Variants in EP400 observed in about 807,000 individuals in gnomAD.
The protein encoded by EP400 is E1A binding protein p400, also known as E1A-binding protein p400.
A neutral mutation model predicts 354.1 loss-of-function variants in EP400; 105 were observed. The observed-to-expected ratio is 0.30, with a 90% CI of 0.25 to 0.35. EP400 has a LOEUF of 0.35. Ranked by LOEUF, EP400 falls within the 10% of genes least tolerant of loss-of-function variation. EP400 has a pLI of 1.00. For synonymous variants in EP400, 1,646 were observed against 1,716.9 expected, an observed-to-expected ratio of 0.96 and a Z score of 1.02; for missense variants, 3,280 against 4,121.0, an observed-to-expected ratio of 0.80 and a Z score of 5.59.
chr12:131,987,555 T>C (rs1464099125), intron 6 of EP400, 150 bp from the exon 7 acceptor site: 2 of 621,102 alleles, frequency 3.2e-6, no homozygotes, highest in Admixed American at 7.0e-5. Context: ...GAATCTTACC[T>C]TTGATATTAA....
chr12:132,004,085 G>A (rs1218110798), intron 12 of EP400, among the ~76,000 whole-genome samples: 3 of 152,164 alleles, frequency 2.0e-5, no homozygotes, highest in African/African-American at 4.8e-5. Context: ...TCATTCCTCT[G>A]GATAGACTCA....
Position 131,950,152 on chromosome 12 carries a change from C to G in EP400, c.-36+116C>G, listed in dbSNP as rs1477970000. The G allele has an allele frequency of 2.6e-5, 4 of 152,002 alleles. No homozygotes were observed. The East Asian group carries it at 7.7e-4, about 29-fold the overall frequency. The allele number at this position is 152,002 out of a possible 1,614,324, so 9.4% of individuals were successfully genotyped here. On this transcript the variant is annotated intron_variant, in intron 1 of 52. Transcript: ENST00000389561. ...GTACAGGGCCCGCTCGCCGGCCGGC[C>G]TCGGGCGTCGCGTGGGGACCAGGCC...
chr12:132,025,743 C>T lies in EP400; in HGVS notation c.4953C>T (p.His1651=), dbSNP rs778933990. Residue 1651 remains histidine, a synonymous_variant, in exon 25 of 53, where the codon CAC becomes CAT. Coordinates refer to ENST00000389561, the MANE Select transcript of EP400 (RefSeq NM_015409.5). The surrounding 1 kb of genome is among the most constrained non-coding windows in gnomAD (Gnocchi z 4.1). ...CCGTGTCTCAGGCGGGCGCTGTGCA[C>T]GGCGCCCTGGGAAGCAAGCCCCCGG... ...MQTVSQAGAV[H]GALGSKPPAG... 29 of 1,612,390 alleles carry T rather than the reference C, an allele frequency of 1.8e-5. No individual in the cohort carries two copies. The highest frequency in any genetic ancestry group is 2.2e-5 in the East Asian group (1 of 44,814).
intron 2 of EP400, among the ~76,000 whole-genome samples, chr12:131,967,810 T>C (rs886932209): frequency 1.3e-5 from 2 of 152,220 alleles, no homozygotes; most frequent in East Asian, 3.8e-4. Context: ...TCTCTAGTAC[T>C]TGTTATTGTC....
At chr12:132,002,755 C>T (rs1320152132) in intron 12 of EP400, among the ~76,000 whole-genome samples, 1 of 152,180 alleles carries the variant, frequency 6.6e-6, no homozygotes, top group Non-Finnish European at 1.5e-5. Context: ...GTGGTCACAC[C>T]GGTCAGGCCA....
rs1327538601 is a variant in EP400 at position 132,013,386 on chromosome 12, G to A, written c.3612-104G>A. 5 of 1,440,986 alleles carry A rather than the reference G, an allele frequency of 3.5e-6. No homozygotes were observed. The highest frequency in any genetic ancestry group is 1.4e-5 in the African/African-American group (1 of 70,432). The allele number at this position is 1,440,986 out of a possible 1,614,324, so 89.3% of individuals were successfully genotyped here. On this transcript the variant is annotated intron_variant, in intron 17 of 52. Transcript: ENST00000389561. This position sits in a 1 kb window ranked among gnomAD's most constrained non-coding sequence, Gnocchi z 4.5. ...AGGCATGTGCACGTTGACATTTGCGGTGTCAAATTACTGTCCCTTTTCTCA... is the reference window on the plus strand; with the variant it reads ...AGGCATGTGCACGTTGACATTTGCGATGTCAAATTACTGTCCCTTTTCTCA...
At position 132,006,235 on chromosome 12, in the gene EP400, A is replaced by T. The variant is rs781120154; in HGVS notation, c.3059A>T (p.Asp1020Val). The change falls in exon 14 of 53, where the codon GAC (aspartate) becomes GTC (valine). Residue 1020 changes from aspartate to valine, a missense_variant. Physicochemically the swap from Asp to Val is radical, Grantham distance 152 (BLOSUM62 -3). Transcript: ENST00000389561. ...AATATCGGGAAGCCAAACGCCAAGG[A>T]CATTGCGGACGTCACTGCGGTGGCT... Reference protein sequence around the residue: ...RMNIGKPNAKDIADVTAVAEA... With the variant: ...RMNIGKPNAKVIADVTAVAEA... 2.5e-6 allele frequency: 4 copies of T among 1,614,132 alleles called. No homozygotes were observed. Among genetic ancestry groups the T allele is most frequent in the Admixed American group, 1.7e-5 (1 of 60,002 alleles).
chr12:131,951,958 T>TA (rs1555270003), intron 1 of EP400, among the ~76,000 whole-genome samples: 3 of 151,242 alleles, frequency 2.0e-5, no homozygotes, highest in African/African-American at 7.3e-5. Flanking sequence ...TTTTTTTTTT[T>TA]AATTTTTAGT....
Position 132,077,913 on chromosome 12 carries a change from C to G in EP400, c.*240C>G, listed in dbSNP as rs956510669. On this transcript the variant is annotated 3_prime_UTR_variant, in exon 53 of 53. Coordinates refer to ENST00000389561, the MANE Select transcript of EP400 (RefSeq NM_015409.5). ...ATGGAAAAAGTGACAACATGGCTTC[C>G]TCTAAATCATTTCACCTTTCAGTCC... 5.0e-5 allele frequency: 28 copies of G among 559,058 alleles called. No homozygotes were observed. The highest frequency in any genetic ancestry group is 4.6e-4 in the Middle Eastern group (1 of 2,154). 34.6% of individuals were successfully genotyped at this position (559,058 alleles called of 1,614,324 possible). A position where few individuals can be genotyped will look rare whatever the true frequency, so the allele number is the denominator to read the frequency against.
At chr12:132,022,155 G>A (rs1259018635) in intron 23 of EP400, among the ~76,000 whole-genome samples, 1 of 152,202 alleles carries the variant, frequency 6.6e-6, no homozygotes, top group Non-Finnish European at 1.5e-5. Context: ...TCCTAGTTAA[G>A]TGCCCTAAGG....
chr12:131,987,364 G>A (rs1892887460), intron 6 of EP400, among the ~76,000 whole-genome samples: 1 of 152,154 alleles, frequency 6.6e-6, no homozygotes, highest in African/African-American at 2.4e-5. Context: ...AGATTATCTA[G>A]AAGCAAATTC....
Position 132,045,356 on chromosome 12 carries a change from G to A in EP400, c.6822G>A (p.Ala2274=), listed in dbSNP as rs150137141. The change falls in exon 38 of 53, where the codon GCG becomes GCA. Residue 2274 remains alanine (A), a synonymous_variant. Transcript: ENST00000389561. The part of the protein sequence containing the change: ...GRKKKQRHGE[A]VVPPRSLFDR... ...AGAAGAAGCAGCGTCACGGGGAGGC[G>A]GTCGTCCCTCCTCGGTCCCTGTTTG... The A allele has an allele frequency of 9.3e-6, 15 of 1,614,102 alleles. No homozygotes were observed. The highest frequency in any genetic ancestry group is 2.7e-5 in the African/African-American group (2 of 74,940).
chr12:132,046,094 A>G (rs553922699), intron 39 of EP400, among the ~76,000 whole-genome samples, 194 bp downstream of exon 39: 1 of 152,342 alleles, frequency 6.6e-6, no homozygotes, highest in African/African-American at 2.4e-5. Flanking sequence ...CGCCTATGGC[A>G]TGAGCAGTGA....
At position 132,011,597 on chromosome 12, in the gene EP400, A is replaced by G. The variant is rs1370454204; in HGVS notation, c.3404A>G (p.Tyr1135Cys). 15 of 1,613,594 alleles carry G rather than the reference A, an allele frequency of 9.3e-6. No individual in the cohort carries two copies. In the Admixed American group the frequency reaches 2.5e-4, roughly 27 times the overall value. Reference sequence around the variant, plus strand: ...TGTCCCGGACTCAAAATCCTCTCATATATTGGCAGCCACAGAGAACTCAAA... The same window carrying G: ...TGTCCCGGACTCAAAATCCTCTCATGTATTGGCAGCCACAGAGAACTCAAA... ...RWCPGLKILS[Y>C]IGSHRELKAK... The change falls in exon 16 of 53, where the codon TAT (tyrosine) becomes TGT (cysteine). Residue 1135 changes from tyrosine to cysteine, a missense_variant. By Grantham distance (194) the Tyr-to-Cys change is radical (BLOSUM62 -2). Transcript: ENST00000389561.
chr12:132,067,873 G>T lies in EP400; in HGVS notation c.8874+387G>T, dbSNP rs1176540973. Among the ~76,000 whole-genome samples, 1 of 152,152 alleles carries T rather than the reference G, an allele frequency of 6.6e-6. No individual in the cohort carries two copies. The highest frequency in any genetic ancestry group is 1.5e-5 in the Non-Finnish European group (1 of 68,016). On this transcript the variant is annotated intron_variant, in intron 50 of 52. Transcript: ENST00000389561. This position sits in a 1 kb window ranked among gnomAD's most constrained non-coding sequence, Gnocchi z 5.3. ...GGACCCGCCTGGACTCCTGCTGGAG[G>T]ACAGGGATGCCGTACAGTCTGGACC...
chr12:132,063,057 T>C (rs1444026584), intron 47 of EP400, among the ~76,000 whole-genome samples: 1 of 152,164 alleles, frequency 6.6e-6, no homozygotes, highest in East Asian at 1.9e-4. Flanking sequence ...AAGATATTCC[T>C]CAGCAGTGTT....
intron 1 of EP400, among the ~76,000 whole-genome samples, chr12:131,954,815 G>T (rs1484989249): frequency 6.6e-6 from 1 of 151,856 alleles, no homozygotes; most frequent in Non-Finnish European, 1.5e-5. Context: ...ATTGCTTGTG[G>T]CCAGGAGTTT....
chr12:131,952,663 G>C (rs1363869014), intron 1 of EP400, among the ~76,000 whole-genome samples: 1 of 152,092 alleles, frequency 6.6e-6, no homozygotes, highest in Non-Finnish European at 1.5e-5. Flanking sequence ...TGTTGCCCAG[G>C]CTTGTCTTGA....
chr12:132,045,002 G>C (rs775879631), intron 37 of EP400, 49 bp downstream of exon 37: 2 of 1,603,806 alleles, frequency 1.2e-6, no homozygotes, highest in South Asian at 2.2e-5. Context: ...CTGGCCTGCA[G>C]AATCCCTGCA....
Sources: allele counts gnomAD v4.1 joint callset (sites outside exome capture counted in the v4.1 genomes callset), GRCh38; gene constraint gnomAD v4.1.1; non-coding constraint Gnocchi (gnomAD v3.1); transcripts MANE v1.5; gene names NCBI Gene and HGNC (gene_info 2026-07-23, HGNC 2026-07-21).